The following MAEL variants were observed in gnomAD, a reference collection of about 807,000 sequenced individuals.
MAEL encodes the protein maelstrom spermatogenic transposon silencer.
A neutral mutation model predicts 62.0 loss-of-function variants in MAEL; 46 were observed. That is an observed-to-expected ratio of 0.74 (90% CI 0.59 to 0.95). The LOEUF (loss-of-function observed/expected upper bound fraction) is 0.95, where lower values mean the gene tolerates loss of function less well. MAEL is among the 40% of genes least tolerant of loss of function. The pLI, the probability that MAEL is intolerant of heterozygous loss-of-function variation, is 0.00. For synonymous variants in MAEL, 172 were observed against 175.5 expected (o/e 0.98, Z 0.16); for missense variants, 497 against 526.8 (o/e 0.94, Z 0.55).
intron 9 of MAEL, 87 bp from the exon 10 acceptor site, chr1:167,017,740 T>C: frequency 7.6e-7 from 1 of 1,318,180 alleles, no homozygotes; most frequent in Non-Finnish European, 1.0e-6. Flanking sequence ...CCTCAGATGC[T>C]TTCTTTTTGT....
intron 5 of MAEL, among the ~76,000 whole-genome samples, chr1:166,996,009 A>G (rs1390580054): frequency 6.6e-6 from 1 of 152,274 alleles, no homozygotes; most frequent in Non-Finnish European, 1.5e-5. Flanking sequence ...ACTGAGTACA[A>G]TGTTTCTCAT....
rs138497432 is a variant in MAEL at position 167,020,292 on chromosome 1, T to A, written c.1042-793T>A. On this transcript the variant is annotated intron_variant, in intron 10 of 11. Coordinates refer to ENST00000367872, the MANE Select transcript of MAEL (RefSeq NM_032858.3). ...CCACTGCCTTGCATGCACTGTCAAC[T>A]CCATTGGCCCTCTTTTTTTCCTCAT... Among the ~76,000 whole-genome samples the A allele has an allele frequency of 1.8e-3, 274 of 152,204 alleles. 1 individual carries two copies. The highest frequency in any genetic ancestry group is 9.1e-3 in the East Asian group (47 of 5,176).
intron 1 of MAEL, 94 bp from the exon 2 acceptor site, chr1:166,989,643 C>T: frequency 1.4e-6 from 2 of 1,463,588 alleles, no homozygotes; most frequent in Non-Finnish European, 1.9e-6. Context: ...ACACCAGAAC[C>T]ACCTCCCTGT....
chr1:167,003,085 C>T (rs965002129), intron 5 of MAEL, among the ~76,000 whole-genome samples: 2 of 152,122 alleles, frequency 1.3e-5, no homozygotes, highest in Non-Finnish European at 2.9e-5. Flanking sequence ...ACTCCTGCAT[C>T]TCTTTGGGGG....
intron 8 of MAEL, among the ~76,000 whole-genome samples, chr1:167,010,080 A>T (rs1487287741): frequency 6.6e-6 from 1 of 152,160 alleles, no homozygotes; most frequent in Non-Finnish European, 1.5e-5. Flanking sequence ...GACCAGGTGG[A>T]GGTAACTGGA....
At chr1:167,009,804 G>C (rs1665088182) in intron 8 of MAEL, among the ~76,000 whole-genome samples, 1 of 151,676 alleles carries the variant, frequency 6.6e-6, no homozygotes. Context: ...GTTCAGCCTT[G>C]GGCAGTTGGT....
At chr1:167,012,697 G>A (rs919956853) in intron 8 of MAEL, among the ~76,000 whole-genome samples, 1 of 152,192 alleles carries the variant, frequency 6.6e-6, no homozygotes, top group African/African-American at 2.4e-5. Flanking sequence ...TGGTCAAGAA[G>A]AATTTGAGGG....
In MAEL at chr1:167,005,481, A is replaced by G. The variant is rs139641004; in HGVS notation, c.845+84A>G. On this transcript the variant is annotated intron_variant, in intron 8 of 11. Coordinates refer to ENST00000367872, the MANE Select transcript of MAEL (RefSeq NM_032858.3). Reference sequence around the variant, plus strand: ...ATGGTAGGACTATTTTTGCCTTTTTATGCAATATTTTCCCATGAAAGCTTG... The same window carrying G: ...ATGGTAGGACTATTTTTGCCTTTTTGTGCAATATTTTCCCATGAAAGCTTG... 1.1e-5 allele frequency: 13 copies of G among 1,194,970 alleles called. No homozygotes were observed. The East Asian group carries it at 2.9e-4, about 27-fold the overall frequency. 74.0% of individuals were successfully genotyped at this position (1,194,970 alleles called of 1,614,324 possible).
At chr1:167,006,672 A>G (rs1664927406) in intron 8 of MAEL, among the ~76,000 whole-genome samples, 2 of 133,150 alleles carry the variant, frequency 1.5e-5, no homozygotes, top group African/African-American at 5.6e-5. Flanking sequence ...GTCTTGCTGT[A>G]TCACCTAGGC....
At chr1:166,982,218 T>C in intron 1 of MAEL, among the ~76,000 whole-genome samples, 1 of 152,296 alleles carries the variant, frequency 6.6e-6, no homozygotes, top group South Asian at 2.1e-4. Context: ...TCACTTAACT[T>C]TGGCAAAGCA....
In MAEL at chr1:166,991,407, A is replaced by G. The variant is rs1363649234; in HGVS notation, c.255A>G (p.Pro85=). The change falls in exon 3 of 12, where the codon CCA becomes CCG. Residue 85 remains proline (P), a synonymous_variant. Coordinates refer to ENST00000367872, the MANE Select transcript of MAEL (RefSeq NM_032858.3). ...QKPVFTPLRR[P]GMLVPKQNVS... ...CTGTTTTCACACCACTGAGGAGGCC[A>G]GGCATGCTTGTACCAAAGCAGAATG... 11 of 1,613,128 alleles carry G rather than the reference A, an allele frequency of 6.8e-6. No homozygotes were observed. Among genetic ancestry groups the G allele is most frequent in the South Asian group, 1.1e-5 (1 of 91,056 alleles).
chr1:166,977,811 C>T (rs1167097285), intron 1 of MAEL, among the ~76,000 whole-genome samples: 1 of 151,940 alleles, frequency 6.6e-6, no homozygotes, highest in Non-Finnish European at 1.5e-5. Flanking sequence ...AATTGCCAGG[C>T]GTGGTTGTAC....
chr1:167,018,402 A>G (rs183676036), intron 10 of MAEL, among the ~76,000 whole-genome samples: 1 of 152,290 alleles, frequency 6.6e-6, no homozygotes, highest in East Asian at 1.9e-4. Flanking sequence ...CACTAAGTGC[A>G]TAGCAGTTAA....
intron 1 of MAEL, among the ~76,000 whole-genome samples, chr1:166,980,964 C>G (rs1199486089): frequency 6.6e-6 from 1 of 152,086 alleles, no homozygotes; most frequent in Non-Finnish European, 1.5e-5. Flanking sequence ...TGGCATAGGT[C>G]AAAGACAGAA....
intron 8 of MAEL, chr1:167,012,591 A>ACTTTT (rs1665212944): frequency 1.3e-5 from 2 of 152,248 alleles, no homozygotes; most frequent in African/African-American, 4.8e-5. Context: ...ATAATAAAGA[A>ACTTTT]AATGGTAATT....
intron 9 of MAEL, 54 bp from the exon 10 acceptor site, chr1:167,017,773 C>G (rs1212766693): frequency 6.6e-6 from 10 of 1,512,680 alleles, no homozygotes; most frequent in Admixed American, 1.9e-5. Flanking sequence ...AATACAAATA[C>G]TTTTAGTTGA....
chr1:167,009,263 T>C (rs1665062343), intron 8 of MAEL, among the ~76,000 whole-genome samples: 1 of 152,202 alleles, frequency 6.6e-6, no homozygotes, highest in South Asian at 2.1e-4. Context: ...CAGGGGCTCA[T>C]GGAAGAGTAT....
intron 1 of MAEL, among the ~76,000 whole-genome samples, chr1:166,979,608 A>G (rs370847767): frequency 6.6e-6 from 1 of 152,260 alleles, no homozygotes; most frequent in Non-Finnish European, 1.5e-5. Context: ...AACAGTGGAC[A>G]CTAGACACCA....
At chr1:166,980,178 C>A (rs1663717218) in intron 1 of MAEL, among the ~76,000 whole-genome samples, 1 of 151,902 alleles carries the variant, frequency 6.6e-6, no homozygotes, top group South Asian at 2.1e-4. Flanking sequence ...CCACCATGCC[C>A]AGCTAATTTT....
Sources: allele counts gnomAD v4.1 joint callset (sites outside exome capture counted in the v4.1 genomes callset), GRCh38; gene constraint gnomAD v4.1.1; transcripts MANE v1.5; gene names NCBI Gene and HGNC (gene_info 2026-07-23, HGNC 2026-07-21).